Variants in ZNF804A observed in about 807,000 individuals in gnomAD.
The protein encoded by ZNF804A is zinc finger protein 804A.
ZNF804A carries 2 observed loss-of-function variants against 16.5 expected under a neutral mutation model. The ratio of observed to expected loss-of-function variants is 0.12; its 90% CI spans 0.05 to 0.38. ZNF804A has a LOEUF of 0.38. Ranked by LOEUF, ZNF804A falls within the 10% of genes least tolerant of loss-of-function variation. The pLI is 0.99. For synonymous variants in ZNF804A, 534 were observed against 489.6 expected (o/e 1.09, Z -1.20); for missense variants, 1,473 against 1,390.7 (o/e 1.06, Z -0.94).
At chr2:184,894,932 A>G (rs1272426597) in intron 2 of ZNF804A, among the ~76,000 whole-genome samples, 1 of 151,164 alleles carries the variant, frequency 6.6e-6, no homozygotes, top group South Asian at 2.1e-4. Context: ...TGACTTCGTG[A>G]TCCCCCCACG....
At chr2:184,906,202 C>T (rs948371783) in intron 2 of ZNF804A, among the ~76,000 whole-genome samples, 3 of 152,044 alleles carry the variant, frequency 2.0e-5, no homozygotes, top group African/African-American at 4.8e-5. Context: ...GTTAAGTTGC[C>T]CCTGTTTTGT....
chr2:184,772,971 GTATA>G (rs149878573), intron 1 of ZNF804A, among the ~76,000 whole-genome samples: 2 of 142,002 alleles, frequency 1.4e-5, no homozygotes, highest in African/African-American at 5.3e-5. Flanking sequence ...ACATATATAT[GTATA>G]TATATATGTG....
At chr2:184,725,364 A>G (rs909225046) in intron 1 of ZNF804A, among the ~76,000 whole-genome samples, 2 of 151,686 alleles carry the variant, frequency 1.3e-5, no homozygotes, top group Admixed American at 1.3e-4. Flanking sequence ...ATAAAATTTA[A>G]ATATGCAATG....
At chr2:184,774,179 C>A (rs1470133771) in intron 1 of ZNF804A, among the ~76,000 whole-genome samples, 2 of 151,738 alleles carry the variant, frequency 1.3e-5, no homozygotes, top group Admixed American at 6.6e-5. Context: ...AAAACTTATT[C>A]TATGGCTTTG....
At chr2:184,852,384 G>A (rs1695619174) in intron 1 of ZNF804A, among the ~76,000 whole-genome samples, 1 of 150,078 alleles carries the variant, frequency 6.7e-6, no homozygotes, top group African/African-American at 2.4e-5. Context: ...TTCCTGTCCT[G>A]TTGGTTGTCT....
chr2:184,635,747 G>A (rs1691684978), intron 1 of ZNF804A, among the ~76,000 whole-genome samples: 1 of 152,134 alleles, frequency 6.6e-6, no homozygotes, highest in South Asian at 2.1e-4. Context: ...TGATTAGGGT[G>A]TCAGAAAGAT....
intron 1 of ZNF804A, among the ~76,000 whole-genome samples, chr2:184,674,366 A>G (rs1574156916): frequency 6.6e-6 from 1 of 152,148 alleles, no homozygotes; most frequent in East Asian, 1.9e-4. Flanking sequence ...TACAAGGACT[A>G]GAAGAAGATG....
intron 1 of ZNF804A, among the ~76,000 whole-genome samples, chr2:184,747,336 A>G (rs1255848211): frequency 5.3e-5 from 8 of 149,664 alleles, no homozygotes; most frequent in Admixed American, 4.7e-4. Flanking sequence ...AAAAAAAAAA[A>G]AAAAAAGAAA....
chr2:184,925,694 TTTG>T (rs987669575), intron 2 of ZNF804A, among the ~76,000 whole-genome samples: 4 of 151,980 alleles, frequency 2.6e-5, no homozygotes, highest in Non-Finnish European at 5.9e-5. Context: ...TTTATTTTTA[TTTG>T]TTGTGTTTTA....
intron 1 of ZNF804A, among the ~76,000 whole-genome samples, chr2:184,666,122 A>G (rs1000354012): frequency 1.3e-5 from 2 of 152,218 alleles, no homozygotes; most frequent in Non-Finnish European, 2.9e-5. Flanking sequence ...TCCAAAGGAT[A>G]TTTGTACATT....
chr2:184,629,429 G>T (rs1691567335), intron 1 of ZNF804A, among the ~76,000 whole-genome samples: 2 of 152,080 alleles, frequency 1.3e-5, no homozygotes, highest in Admixed American at 1.3e-4. Context: ...CTAAATTGAA[G>T]AAGTAGGGAG....
intron 1 of ZNF804A, among the ~76,000 whole-genome samples, chr2:184,599,620 CT>C (rs1032246571): frequency 6.6e-6 from 1 of 152,204 alleles, no homozygotes; most frequent in Non-Finnish European, 1.5e-5. Flanking sequence ...ACTCTAGAAC[CT>C]TATGCTGTCC....
intron 1 of ZNF804A, among the ~76,000 whole-genome samples, chr2:184,864,309 A>T (rs1370154913): frequency 6.6e-6 from 1 of 152,194 alleles, no homozygotes; most frequent in Non-Finnish European, 1.5e-5. Context: ...GAAAATTAAT[A>T]TAGTAAGAAC....
chr2:184,617,325 T>C (rs1289426411), intron 1 of ZNF804A, among the ~76,000 whole-genome samples: 2 of 152,082 alleles, frequency 1.3e-5, no homozygotes, highest in African/African-American at 4.8e-5. Flanking sequence ...GGTATAATAA[T>C]GCATTCATAG....
intron 1 of ZNF804A, among the ~76,000 whole-genome samples, chr2:184,834,463 C>G (rs892976479): frequency 1.3e-5 from 2 of 152,024 alleles, no homozygotes; most frequent in African/African-American, 4.8e-5. Flanking sequence ...TGTTTTCTAC[C>G]AGAATGCCAT....
chr2:184,914,045 C>A (rs72893068), intron 2 of ZNF804A, among the ~76,000 whole-genome samples: 1 of 152,136 alleles, frequency 6.6e-6, no homozygotes, highest in Non-Finnish European at 1.5e-5. Flanking sequence ...CCTCCCACGA[C>A]GTAAACAGAA....
chr2:184,907,424 T>G (rs1183072480), intron 2 of ZNF804A, among the ~76,000 whole-genome samples: 2 of 152,206 alleles, frequency 1.3e-5, no homozygotes, highest in Non-Finnish European at 2.9e-5. Flanking sequence ...AATTCATAAA[T>G]CATTTCTTGG....
chr2:184,827,548 C>T (rs191736254), intron 1 of ZNF804A, among the ~76,000 whole-genome samples: 49 of 148,978 alleles, frequency 3.3e-4, no homozygotes, highest in African/African-American at 1.1e-3. Context: ...GTAGTAACCT[C>T]TACCCAGGAA....
chr2:184,655,444 C>T (rs1418463411), intron 1 of ZNF804A, among the ~76,000 whole-genome samples: 3 of 152,110 alleles, frequency 2.0e-5, no homozygotes, highest in African/African-American at 7.2e-5. Context: ...AGCTGGGTTG[C>T]ATATTCAAAT....
Sources: allele counts gnomAD v4.1 joint callset (sites outside exome capture counted in the v4.1 genomes callset), GRCh38; gene constraint gnomAD v4.1.1; transcripts MANE v1.5; gene names NCBI Gene and HGNC (gene_info 2026-07-23, HGNC 2026-07-21).